Variants in CDH13 observed in about 807,000 individuals in gnomAD.
The protein encoded by CDH13 is cadherin-13.
CDH13 carries 24 observed loss-of-function variants against 63.8 expected under a neutral mutation model. The ratio of observed to expected loss-of-function variants is 0.38; its 90% CI spans 0.27 to 0.53. The LOEUF (loss-of-function observed/expected upper bound fraction) is 0.53. Among genes scored for constraint, CDH13 ranks in the 20% least tolerant of loss-of-function variants. CDH13 has a pLI of 0.85. For synonymous variants in CDH13, 503 were observed against 355.3 expected (o/e 1.42, Z -4.67); for missense variants, 1,049 against 903.1 (o/e 1.16, Z -2.07).
chr16:82,811,138 T>A (rs763021485), intron 1 of CDH13, among the ~76,000 whole-genome samples: 1 of 152,164 alleles, frequency 6.6e-6, no homozygotes. Flanking sequence ...GGCATAGGTG[T>A]CCTGGAACTG....
Position 83,044,832 on chromosome 16 carries a change from C to T in CDH13, c.366+12614C>T, listed in dbSNP as rs118116576. ...ATCGCTGCAGCCATAGTTAGCTCCC[C>T]AGCAGCTGCTCGGGGCTTTCACATA... is the stretch of plus-strand genomic sequence containing the variant. On this transcript the variant is annotated intron_variant, in intron 3 of 13. Coordinates refer to ENST00000567109, the MANE Select transcript of CDH13 (RefSeq NM_001257.5). Among the ~76,000 whole-genome samples, 194 of 152,280 alleles carry T rather than the reference C, an allele frequency of 1.3e-3. 8 individuals are homozygous for T. In the East Asian group the frequency reaches 0.033, roughly 26 times the overall value.
chr16:82,794,092 G>C lies in CDH13; in HGVS notation c.46-64270G>C, dbSNP rs75880104. The stretch of plus-strand genomic sequence containing the variant: ...AGGCCCGTGGGTCACATGCTGCTGA[G>C]GGAGGATGACTTTGAATGAGGCCCA... On this transcript the variant is annotated intron_variant, in intron 1 of 13. Transcript: ENST00000567109. 2.9e-3 allele frequency among the ~76,000 whole-genome samples: 447 copies of C among 152,166 alleles called. 4 individuals carry two copies. Among genetic ancestry groups the C allele is most frequent in the African/African-American group, 0.01 (425 of 41,538 alleles).
chr16:83,282,624 G>T (rs1055652771), intron 5 of CDH13, among the ~76,000 whole-genome samples: 5 of 152,204 alleles, frequency 3.3e-5, no homozygotes, highest in African/African-American at 1.2e-4. Context: ...GACAGTTACT[G>T]TCCTTAGTGT....
intron 5 of CDH13, among the ~76,000 whole-genome samples, chr16:83,221,413 C>T (rs764575959): frequency 1.3e-5 from 2 of 152,140 alleles, no homozygotes; most frequent in African/African-American, 2.4e-5. Context: ...TAATGCAAAG[C>T]CTCCTGAAAT....
At chr16:82,738,409 C>A (rs76795863) in intron 1 of CDH13, among the ~76,000 whole-genome samples, 3 of 152,198 alleles carry the variant, frequency 2.0e-5, no homozygotes, top group Admixed American at 6.5e-5. Context: ...AGCCTCTTGC[C>A]GGAGTCCTCA....
At chr16:83,721,108 C>G (rs1441280132) in intron 10 of CDH13, 3 of 152,266 alleles carry the variant, frequency 2.0e-5, no homozygotes, top group East Asian at 1.9e-4. Flanking sequence ...GTAATGAGCA[C>G]CTGGCACACT....
chr16:83,252,801 C>T (rs779205902), intron 5 of CDH13, among the ~76,000 whole-genome samples: 2 of 152,044 alleles, frequency 1.3e-5, no homozygotes, highest in Non-Finnish European at 2.9e-5. Flanking sequence ...CTGCCCCCCA[C>T]CCCAATAAGG....
At chr16:82,961,586 A>C (rs1200902850) in intron 2 of CDH13, among the ~76,000 whole-genome samples, 2 of 151,744 alleles carry the variant, frequency 1.3e-5, no homozygotes, top group African/African-American at 2.4e-5. Context: ...AAAAAAAAAA[A>C]AAAAAAAAAA....
chr16:83,489,950 A>G (rs1230302640), intron 7 of CDH13, among the ~76,000 whole-genome samples: 1 of 151,908 alleles, frequency 6.6e-6, no homozygotes, highest in Admixed American at 6.6e-5. Flanking sequence ...GTGTTGGAAC[A>G]ATGAATATAG....
chr16:83,466,926 T>C (rs931187680), intron 6 of CDH13, among the ~76,000 whole-genome samples: 2 of 152,198 alleles, frequency 1.3e-5, no homozygotes, highest in South Asian at 2.1e-4. Flanking sequence ...TCAGTCTTTA[T>C]ATGGCAGTAC....
At chr16:83,184,387 C>A (rs769254373) in intron 4 of CDH13, among the ~76,000 whole-genome samples, 8 of 152,094 alleles carry the variant, frequency 5.3e-5, no homozygotes, top group Non-Finnish European at 1.2e-4. Flanking sequence ...AACAGAGGGA[C>A]TCTATGAGAG....
Position 82,929,789 on chromosome 16 carries a change from G to A in CDH13, c.157+71316G>A, listed in dbSNP as rs80297579. On this transcript the variant is annotated intron_variant, in intron 2 of 13. Transcript: ENST00000567109. ...CCAGAGCTATAAGAAATAAATTTCT[G>A]CTGTTAAAAAGCCACCCAGTCAATC... is the stretch of plus-strand genomic sequence containing the variant. 9.0e-3 allele frequency among the ~76,000 whole-genome samples: 1,356 copies of A among 150,388 alleles called. 20 individuals are homozygous for A. The highest frequency in any genetic ancestry group is 0.032 in the African/African-American group (1,318 of 40,852).
rs7206870 is a variant in CDH13, at chr16:83,021,689, A to T, written c.158-10321A>T. 9.5e-4 allele frequency among the ~76,000 whole-genome samples: 144 copies of T among 152,340 alleles called. 1 individual carries two copies. The highest frequency in any genetic ancestry group is 3.3e-3 in the African/African-American group (138 of 41,580). Reference sequence around the variant, plus strand: ...TGGAACTGAAGCATGGAATGGAATTAAGACTGTTTTATGTTTGTTCTGCAC... The same window carrying T: ...TGGAACTGAAGCATGGAATGGAATTTAGACTGTTTTATGTTTGTTCTGCAC... On this transcript the variant is annotated intron_variant, in intron 2 of 13. Transcript: ENST00000567109.
chr16:83,368,937 T>TATATACAC (rs1567622155), intron 6 of CDH13, among the ~76,000 whole-genome samples: 2 of 68,896 alleles, frequency 2.9e-5, no homozygotes, highest in African/African-American at 1.2e-4. Context: ...TATATATATA[T>TATATACAC]ACTAGGTTTT....
chr16:83,783,556 C>T (rs1255191814), intron 13 of CDH13, 84 bp downstream of exon 13: 2 of 992,444 alleles, frequency 2.0e-6, no homozygotes, highest in Non-Finnish European at 3.2e-6. Context: ...TCCCATATAC[C>T]TTTCCAAGAA....
chr16:83,256,298 G>T (rs938274911), intron 5 of CDH13, among the ~76,000 whole-genome samples: 1 of 152,090 alleles, frequency 6.6e-6, no homozygotes, highest in African/African-American at 2.4e-5. Context: ...CTCCCAAAGT[G>T]CTGGGATTAC....
rs561271981 is a variant in CDH13, at chr16:82,699,127, G to A, written c.45+71990G>A. On this transcript the variant is annotated intron_variant, in intron 1 of 13. Transcript: ENST00000567109. ...ACATTTTGATACTTGTCATTTAATT[G>A]ATCTTCATAGAAGCCTGATTGTTGA... 1.6e-4 allele frequency among the ~76,000 whole-genome samples: 25 copies of A among 152,230 alleles called. No individual in the cohort carries two copies. In the South Asian group the frequency reaches 5.2e-3, roughly 32 times the overall value.
intron 2 of CDH13, among the ~76,000 whole-genome samples, chr16:82,982,601 T>G (rs1472799749): frequency 6.6e-6 from 1 of 152,240 alleles, no homozygotes; most frequent in Non-Finnish European, 1.5e-5. Flanking sequence ...GCCAGTCTCA[T>G]ATCCCCAGAG....
chr16:82,805,379 A>T (rs1419611136), intron 1 of CDH13, among the ~76,000 whole-genome samples: 1 of 152,204 alleles, frequency 6.6e-6, no homozygotes, highest in Admixed American at 6.5e-5. Context: ...TAGCTGTCCA[A>T]ATCCAGTCCT....
Sources: allele counts gnomAD v4.1 joint callset (sites outside exome capture counted in the v4.1 genomes callset), GRCh38; gene constraint gnomAD v4.1.1; transcripts MANE v1.5; gene names NCBI Gene and HGNC (gene_info 2026-07-23, HGNC 2026-07-21).